FUT8: variants seen among roughly 807,000 people sequenced by gnomAD.
FUT8 encodes fucosyltransferase 8.
A neutral mutation model predicts 71.3 loss-of-function variants in FUT8; 29 were observed. That is an observed-to-expected ratio of 0.41 (90% CI 0.30 to 0.55). FUT8 has a LOEUF of 0.55. Ranked by LOEUF, FUT8 falls within the 20% of genes least tolerant of loss-of-function variation. The probability of loss-of-function intolerance (pLI) is 0.34; values close to 1 mark genes in which losing one functional copy is unlikely to be tolerated. For synonymous variants in FUT8, 254 were observed against 239.3 expected (o/e 1.06, Z -0.57); for missense variants, 544 against 702.1 (o/e 0.77, Z 2.55).
chr14:65,630,877 C>G (rs1890147516), intron 6 of FUT8, among the ~76,000 whole-genome samples: 1 of 152,132 alleles, frequency 6.6e-6, no homozygotes, highest in South Asian at 2.1e-4. Context: ...TTTTCTAATG[C>G]TGTGGATGGC....
At position 65,708,334 on chromosome 14, in the gene FUT8, A is replaced by G. The variant is rs148048423; in HGVS notation, c.836-13441A>G. ...ATTATAGGTTTCCTGACGCCTCCCC[A>G]GCCATGCTGAACTGTGAGTCAATTA... On this transcript the variant is annotated intron_variant, in intron 7 of 10. Transcript: ENST00000673929. Among the ~76,000 whole-genome samples, 129 of 152,294 alleles carry G rather than the reference A, an allele frequency of 8.5e-4. 2 individuals carry two copies. In the East Asian group the frequency reaches 0.023, roughly 28 times the overall value.
Position 65,743,166 on chromosome 14 carries a change from A to G in FUT8, c.*756A>G, listed in dbSNP as rs1310656483. ...AATTTTGTAAAGTTTCTAGAATTTT[A>G]TATCATTGGATGATATGTTGATCAG... On this transcript the variant is annotated 3_prime_UTR_variant, in exon 11 of 11. Coordinates refer to ENST00000673929, the MANE Select transcript of FUT8 (RefSeq NM_001371533.1). 2.6e-5 allele frequency: 4 copies of G among 152,306 alleles called. No individual in the cohort carries two copies. The highest frequency in any genetic ancestry group is 3.9e-4 in the East Asian group (2 of 5,156). The allele number at this position is 152,306 out of a possible 1,614,324, so 9.4% of individuals were successfully genotyped here.
the FUT8 span, among the ~76,000 whole-genome samples, chr14:65,363,233 TGCCTCA>T: frequency 0.44 from 66,850 of 150,406 alleles, 17,367 homozygotes; most frequent in Non-Finnish European, 0.59. Context: ...GCGATTCTCA[TGCCTCA>T]GCCTCCTGAG....
chr14:65,702,322 G>A (rs1396930865), intron 7 of FUT8, among the ~76,000 whole-genome samples: 1 of 139,540 alleles, frequency 7.2e-6, no homozygotes, highest in Non-Finnish European at 1.5e-5. Context: ...TCCAACCTGG[G>A]CAGCAAGAAC....
chr14:65,718,316 C>T (rs188862945), intron 7 of FUT8, among the ~76,000 whole-genome samples: 18 of 152,170 alleles, frequency 1.2e-4, no homozygotes, highest in Admixed American at 4.6e-4. Flanking sequence ...AATTTGGCAC[C>T]GATTGCATAA....
chr14:65,684,474 A>T (rs1216149121), intron 7 of FUT8, among the ~76,000 whole-genome samples: 2 of 152,210 alleles, frequency 1.3e-5, no homozygotes, highest in African/African-American at 2.4e-5. Flanking sequence ...CTATCTACTC[A>T]TGTCATTCTT....
intron 2 of FUT8, chr14:65,529,508 C>T (rs1377842374): frequency 3.9e-5 from 6 of 153,226 alleles, no homozygotes; most frequent in Non-Finnish European, 4.4e-5. Flanking sequence ...GCTGGGATTA[C>T]AGGCGTGAGC....
intron 6 of FUT8, among the ~76,000 whole-genome samples, chr14:65,649,259 C>G (rs1198053723): frequency 6.6e-6 from 1 of 152,158 alleles, no homozygotes; most frequent in East Asian, 1.9e-4. Context: ...GGACATTTCT[C>G]TTTCTCAGAT....
chr14:65,424,769 C>A (rs779073038), intron 1 of FUT8, among the ~76,000 whole-genome samples: 19 of 152,088 alleles, frequency 1.2e-4, no homozygotes, highest in Non-Finnish European at 2.4e-4. Context: ...AAGCGATTCT[C>A]CCATTTCAGC....
At chr14:65,598,014 A>G (rs1219398369) in intron 3 of FUT8, among the ~76,000 whole-genome samples, 2 of 152,072 alleles carry the variant, frequency 1.3e-5, no homozygotes, top group East Asian at 1.9e-4. Context: ...ACAGAAAATA[A>G]AAAATACAAT....
At chr14:65,712,723 G>A (rs1248207918) in intron 7 of FUT8, among the ~76,000 whole-genome samples, 1 of 152,142 alleles carries the variant, frequency 6.6e-6, no homozygotes, top group South Asian at 2.1e-4. Flanking sequence ...GGGATTACAG[G>A]CGCGAGTCAC....
At chr14:65,615,747 A>G (rs1160054355) in intron 3 of FUT8, among the ~76,000 whole-genome samples, 1 of 152,206 alleles carries the variant, frequency 6.6e-6, no homozygotes, top group Non-Finnish European at 1.5e-5. Context: ...CTAGAAGATC[A>G]TAGATTTCTG....
upstream of FUT8, chr14:65,411,662 A>G (rs2065124833): frequency 4.7e-6 from 1 of 214,190 alleles, no homozygotes; most frequent in East Asian, 1.5e-4. Flanking sequence ...TAAAATGCCC[A>G]AGCCTAGAGA....
At chr14:65,685,024 C>T (rs1484050287) in intron 7 of FUT8, among the ~76,000 whole-genome samples, 1 of 152,104 alleles carries the variant, frequency 6.6e-6, no homozygotes, top group African/African-American at 2.4e-5. Context: ...GTAAGAGAAA[C>T]TCACAGAAAA....
rs1894690319 is a variant in FUT8 at position 65,709,012 on chromosome 14, TA to T, written c.836-12762del. Among the ~76,000 whole-genome samples, 15 of 152,318 alleles carry T rather than the reference TA, an allele frequency of 9.8e-5. No homozygotes were observed. The South Asian group carries it at 3.1e-3, about 32-fold the overall frequency. ...AAGAATTTATTTCTAATGTTCTGATTACAAAAGAAGGATACGTTGGTGAAAT... is the reference window on the plus strand; with the variant it reads ...AAGAATTTATTTCTAATGTTCTGATTCAAAAGAAGGATACGTTGGTGAAAT... On this transcript the variant is annotated intron_variant, in intron 7 of 10. Coordinates refer to ENST00000673929, the MANE Select transcript of FUT8 (RefSeq NM_001371533.1).
chr14:65,616,746 C>G lies in FUT8; in HGVS notation c.482+373C>G, dbSNP rs1229704486. On this transcript the variant is annotated intron_variant, in intron 5 of 10. Coordinates refer to ENST00000673929, the MANE Select transcript of FUT8 (RefSeq NM_001371533.1). ...GGTACATTGGAACTCATAGTGAGTC[C>G]GATGGTTACATTTCTAATTCAAACA... 2.0e-5 allele frequency among the ~76,000 whole-genome samples: 3 copies of G among 151,992 alleles called. No individual in the cohort carries two copies. In the East Asian group the frequency reaches 5.8e-4, roughly 29 times the overall value.
chr14:65,609,680 TTTTTTTAAA>T (rs1030201957), intron 3 of FUT8, among the ~76,000 whole-genome samples: 3 of 151,904 alleles, frequency 2.0e-5, no homozygotes, highest in African/African-American at 4.8e-5. Context: ...CTTTAAAAAC[TTTTTTTAAA>T]TTTTTTAAAT....
In FUT8 at chr14:65,713,674, A is replaced by G. The variant is rs566263825; in HGVS notation, c.836-8101A>G. ...TCATATACCTGTTTCCCATTTGTAC[A>G]TCTTCTTTTGAGAAATGTCTAATCG... On this transcript the variant is annotated intron_variant, in intron 7 of 10. Transcript: ENST00000673929. Among the ~76,000 whole-genome samples, 532 of 152,250 alleles carry G rather than the reference A, an allele frequency of 3.5e-3. 2 individuals carry two copies. The highest frequency in any genetic ancestry group is 0.012 in the African/African-American group (505 of 41,544).
upstream of FUT8, chr14:65,412,663 G>C: frequency 5.1e-6 from 1 of 197,958 alleles, no homozygotes; most frequent in Non-Finnish European, 1.0e-5. Flanking sequence ...GGTCGCCGTA[G>C]GTGGCAGCGG....
Sources: allele counts gnomAD v4.1 joint callset (sites outside exome capture counted in the v4.1 genomes callset), GRCh38; gene constraint gnomAD v4.1.1; transcripts MANE v1.5; gene names NCBI Gene and HGNC (gene_info 2026-07-23, HGNC 2026-07-21).